DGKB: variants seen among roughly 807,000 people sequenced by gnomAD.
DGKB encodes the protein diacylglycerol kinase beta, also known as 90 kDa diacylglycerol kinase.
Under a neutral mutation model 114.3 loss-of-function variants are expected in DGKB, and 67 were observed. The observed-to-expected ratio is 0.59, with a 90% CI of 0.48 to 0.72. The LOEUF is 0.72. DGKB is among the 30% of genes least tolerant of loss of function. DGKB has a pLI of 0.00. For missense variants in DGKB, 907 were observed against 975.2 expected (o/e 0.93, Z 0.93); for synonymous variants, 398 against 323.1 (o/e 1.23, Z -2.49).
At chr7:14,510,931 C>A (rs1787890597) in intron 20 of DGKB, among the ~76,000 whole-genome samples, 1 of 152,148 alleles carries the variant, frequency 6.6e-6, no homozygotes, top group Admixed American at 6.5e-5. Flanking sequence ...ATTTTCTGAG[C>A]AGTAGGTCTC....
At chr7:14,471,804 A>G (rs1412774419) in intron 21 of DGKB, among the ~76,000 whole-genome samples, 1 of 152,144 alleles carries the variant, frequency 6.6e-6, no homozygotes, top group East Asian at 1.9e-4. Context: ...GAAGATAAAT[A>G]TACCATGAAA....
At chr7:14,922,867 T>C (rs1212067009) in intron 1 of DGKB, among the ~76,000 whole-genome samples, 2 of 152,196 alleles carry the variant, frequency 1.3e-5, no homozygotes, top group East Asian at 1.9e-4. Context: ...GATGAGAACA[T>C]TGAAACATCT....
upstream of DGKB, among the ~76,000 whole-genome samples, chr7:14,904,853 T>C (rs548448577): frequency 6.6e-6 from 1 of 152,250 alleles, no homozygotes; most frequent in Admixed American, 6.5e-5. Flanking sequence ...TACACTGCAG[T>C]GTAAGGAAGT....
chr7:14,610,811 A>G (rs1263632650), intron 16 of DGKB, among the ~76,000 whole-genome samples: 1 of 152,124 alleles, frequency 6.6e-6, no homozygotes, highest in Non-Finnish European at 1.5e-5. Context: ...TGGCTATTCT[A>G]TCCCACTGCC....
At chr7:14,825,018 A>ATATG (rs1562636558) in intron 2 of DGKB, among the ~76,000 whole-genome samples, 17 of 47,914 alleles carry the variant, frequency 3.5e-4, no homozygotes, top group African/African-American at 1.6e-3. Flanking sequence ...ATGTGTATGT[A>ATATG]TATATATATA....
chr7:14,668,377 C>A (rs1270318115), intron 13 of DGKB, among the ~76,000 whole-genome samples: 1 of 152,030 alleles, frequency 6.6e-6, no homozygotes, highest in Non-Finnish European at 1.5e-5. Context: ...AGCTGAGATA[C>A]AACAGATAAA....
At chr7:14,752,312 T>C (rs1834250073) in intron 4 of DGKB, among the ~76,000 whole-genome samples, 2 of 140,758 alleles carry the variant, frequency 1.4e-5, no homozygotes, top group South Asian at 4.4e-4. Flanking sequence ...AAAAGGTAGG[T>C]TTTGAATCCC....
intron 2 of DGKB, 105 bp downstream of exon 2, chr7:14,841,089 T>G: frequency 5.0e-6 from 5 of 1,007,204 alleles, no homozygotes; most frequent in Non-Finnish European, 7.3e-6. Context: ...CAGAGCTGGA[T>G]CTATCCCCAT....
At chr7:14,852,098 A>C (rs914452625) in intron 1 of DGKB, among the ~76,000 whole-genome samples, 1 of 152,240 alleles carries the variant, frequency 6.6e-6, no homozygotes, top group Non-Finnish European at 1.5e-5. Context: ...TAGTAACTAC[A>C]ACAAGTTACT....
intron 21 of DGKB, among the ~76,000 whole-genome samples, chr7:14,408,130 T>G (rs1333173700): frequency 6.6e-6 from 1 of 152,162 alleles, no homozygotes; most frequent in Non-Finnish European, 1.5e-5. Flanking sequence ...TGGTGGCTCC[T>G]GACAAAGTAG....
intron 25 of DGKB, among the ~76,000 whole-genome samples, chr7:14,173,371 A>T (rs1781289727): frequency 6.6e-6 from 1 of 152,180 alleles, no homozygotes; most frequent in Admixed American, 6.6e-5. Flanking sequence ...ACGTTAACTT[A>T]CATTTTTAAG....
chr7:14,748,201 A>G, intron 4 of DGKB, among the ~76,000 whole-genome samples: 1 of 152,342 alleles, frequency 6.6e-6, no homozygotes, highest in African/African-American at 2.4e-5. Flanking sequence ...AGATGTTACT[A>G]GAACACACAA....
chr7:14,344,046 A>C (rs1390782662), intron 22 of DGKB, among the ~76,000 whole-genome samples: 2 of 148,826 alleles, frequency 1.3e-5, no homozygotes, highest in Admixed American at 6.8e-5. Flanking sequence ...CAATTATTAT[A>C]TAGATATACA....
chr7:14,637,792 A>AT (rs1028677785), intron 13 of DGKB, among the ~76,000 whole-genome samples: 1 of 151,822 alleles, frequency 6.6e-6, no homozygotes, highest in Admixed American at 6.6e-5. Context: ...TTAACCTAAA[A>AT]TTTTTTTAGA....
intron 21 of DGKB, among the ~76,000 whole-genome samples, chr7:14,408,550 G>A (rs1824327475): frequency 6.6e-6 from 1 of 152,030 alleles, no homozygotes; most frequent in African/African-American, 2.4e-5. Context: ...TGCCATTGGA[G>A]GATACATTTA....
At chr7:14,777,172 T>C (rs1838324834) in intron 2 of DGKB, among the ~76,000 whole-genome samples, 1 of 152,124 alleles carries the variant, frequency 6.6e-6, no homozygotes, top group Non-Finnish European at 1.5e-5. Flanking sequence ...TGTACCCCCG[T>C]TGTATCTAGG....
intron 25 of DGKB, among the ~76,000 whole-genome samples, chr7:14,158,656 T>A (rs1783402719): frequency 6.6e-6 from 1 of 152,296 alleles, no homozygotes; most frequent in African/African-American, 2.4e-5. Context: ...CACAAAAAAA[T>A]TGCCATTGCT....
chr7:14,613,150 C>T (rs1204858065), intron 16 of DGKB, among the ~76,000 whole-genome samples, 190 bp downstream of exon 16: 4 of 152,018 alleles, frequency 2.6e-5, no homozygotes, highest in Non-Finnish European at 5.9e-5. Context: ...AAAATAGTTA[C>T]AAAAGGCCAT....
intron 20 of DGKB, among the ~76,000 whole-genome samples, chr7:14,545,070 G>C (rs370999386): frequency 6.6e-6 from 1 of 151,224 alleles, no homozygotes; most frequent in African/African-American, 2.4e-5. Context: ...ACTGTCTTCA[G>C]CCTCCCTTTT....
Sources: gnomAD v4.1 joint callset for allele counts (sites outside exome capture counted in the v4.1 genomes callset) on GRCh38, gnomAD v4.1.1 for gene constraint, MANE v1.5 for transcripts, NCBI Gene and HGNC (gene_info 2026-07-23, HGNC 2026-07-21) for gene names.